Variants in SRD5A1 observed in about 807,000 individuals in gnomAD.
The protein encoded by SRD5A1 is 3-oxo-5-alpha-steroid 4-dehydrogenase 1.
Under a neutral mutation model 28.2 loss-of-function variants are expected in SRD5A1, and 22 were observed. The observed-to-expected ratio is 0.78, with a 90% CI of 0.56 to 1.12. SRD5A1 has a LOEUF of 1.12. Ranked by LOEUF, SRD5A1 falls within the 50% of genes most tolerant of loss-of-function variation. The pLI is 0.00. For synonymous variants in SRD5A1, 151 were observed against 135.0 expected, an observed-to-expected ratio of 1.12 and a Z score of -0.82; for missense variants, 300 against 346.7, an observed-to-expected ratio of 0.87 and a Z score of 1.07.
intron 4 of SRD5A1, among the ~76,000 whole-genome samples, chr5:6,666,078 CT>C (rs1739159440): frequency 6.6e-6 from 1 of 152,008 alleles, no homozygotes; most frequent in South Asian, 2.1e-4. Flanking sequence ...ATAAACCCAA[CT>C]AATTAAGCCA....
At chr5:6,664,490 T>C (rs1439645554) in intron 4 of SRD5A1, among the ~76,000 whole-genome samples, 1 of 152,144 alleles carries the variant, frequency 6.6e-6, no homozygotes, top group East Asian at 1.9e-4. Context: ...CTGCCACCTC[T>C]GCCTCCCAGG....
intron 2 of SRD5A1, 92 bp from the exon 3 acceptor site, chr5:6,655,986 G>A (rs1290408309): frequency 1.1e-6 from 1 of 871,378 alleles, no homozygotes; most frequent in Non-Finnish European, 1.9e-6. Flanking sequence ...GTAATCTGAA[G>A]GGTTGCAATA....
intron 4 of SRD5A1, among the ~76,000 whole-genome samples, chr5:6,666,234 G>A (rs1418729352): frequency 1.3e-5 from 2 of 151,772 alleles, no homozygotes; most frequent in South Asian, 2.1e-4. Flanking sequence ...TGCAAGCTCT[G>A]CCTCCCAGGT....
chr5:6,667,750 G>A (rs376773913), intron 4 of SRD5A1, among the ~76,000 whole-genome samples: 91 of 152,288 alleles, frequency 6.0e-4, no homozygotes, highest in African/African-American at 2.1e-3. Context: ...GAGCCTCCTG[G>A]TATGCAGCTG....
At chr5:6,639,807 T>A (rs1278855596) in intron 1 of SRD5A1, among the ~76,000 whole-genome samples, 1 of 152,240 alleles carries the variant, frequency 6.6e-6, no homozygotes, top group African/African-American at 2.4e-5. Flanking sequence ...GTGAAATACA[T>A]GCTTGTTGTA....
intron 2 of SRD5A1, among the ~76,000 whole-genome samples, chr5:6,653,989 C>G (rs1051758645): frequency 6.6e-6 from 1 of 152,054 alleles, no homozygotes; most frequent in Non-Finnish European, 1.5e-5. Flanking sequence ...AGGAAACAGA[C>G]GTGAAATTAC....
chr5:6,667,030 G>A (rs887382754), intron 4 of SRD5A1, among the ~76,000 whole-genome samples: 4 of 152,230 alleles, frequency 2.6e-5, no homozygotes, highest in African/African-American at 9.6e-5. Context: ...TTCAGCACTT[G>A]CAAGTGCTGG....
chr5:6,647,476 T>G (rs952571445), intron 1 of SRD5A1, among the ~76,000 whole-genome samples: 2 of 152,224 alleles, frequency 1.3e-5, no homozygotes, highest in African/African-American at 4.8e-5. Flanking sequence ...TGGGTGCATA[T>G]ATATCTAGGA....
In SRD5A1 at chr5:6,656,077, G is replaced by A. The variant is rs576938295; in HGVS notation, c.461-1G>A. ...ATCATCTTGCAATTTTTTTCCTTTA[G>A]GTTTTGGCTTGTGGTTAACGGGCAT... is the stretch of plus-strand genomic sequence containing the variant. On this transcript the variant is annotated splice_acceptor_variant, in intron 2 of 4. Coordinates refer to ENST00000274192, the MANE Select transcript of SRD5A1 (RefSeq NM_001047.4). LOFTEE classifies it high-confidence loss of function. 1.2e-6 allele frequency: 2 copies of A among 1,612,502 alleles called. No individual in the cohort carries two copies. Among genetic ancestry groups the A allele is most frequent in the South Asian group, 2.2e-5 (2 of 90,920 alleles).
At chr5:6,635,427 G>A (rs1053265608) in intron 1 of SRD5A1, among the ~76,000 whole-genome samples, 1 of 151,908 alleles carries the variant, frequency 6.6e-6, no homozygotes, top group Non-Finnish European at 1.5e-5. Flanking sequence ...GTTTCTTTAT[G>A]GCTAAAAGCA....
intron 3 of SRD5A1, among the ~76,000 whole-genome samples, chr5:6,659,271 G>A (rs1198730677): frequency 1.3e-5 from 2 of 151,862 alleles, no homozygotes; most frequent in Non-Finnish European, 2.9e-5. Flanking sequence ...CCGCCACCAC[G>A]CCTGGCTAAT....
Position 6,633,503 on chromosome 5 carries a change from T to TGCCC in SRD5A1, c.-73_-70dup. ...CCGCCCCTCCGGTAGCCGCCCCTCC[T>TGCCC]GCCCCCGCGCCGCCGCCCTATATGT... On this transcript the variant is annotated 5_prime_UTR_variant, in exon 1 of 5. Transcript: ENST00000274192. 7.2e-7 allele frequency: 1 copy of TGCCC among 1,381,072 alleles called. No homozygotes were observed. 85.6% of individuals were successfully genotyped at this position (1,381,072 alleles called of 1,614,324 possible). A position where few individuals can be genotyped will look rare whatever the true frequency, so the allele number is the denominator to read the frequency against.
At chr5:6,649,509 G>A (rs1738604297) in intron 1 of SRD5A1, among the ~76,000 whole-genome samples, 1 of 152,214 alleles carries the variant, frequency 6.6e-6, no homozygotes, top group Admixed American at 6.5e-5. Context: ...GGAGCAGCGA[G>A]AATTTCAAGC....
chr5:6,658,063 G>A (rs746753826), intron 3 of SRD5A1, among the ~76,000 whole-genome samples: 22 of 152,142 alleles, frequency 1.4e-4, no homozygotes, highest in Non-Finnish European at 1.9e-4. Flanking sequence ...GGTGGCTGAC[G>A]CCTGTAATCC....
At chr5:6,656,006 A>T in intron 2 of SRD5A1, 72 bp from the exon 3 acceptor site, 2 of 1,094,068 alleles carry the variant, frequency 1.8e-6, no homozygotes, top group Non-Finnish European at 2.8e-6. Flanking sequence ...AATACTGTTC[A>T]GTCAGGCTGG....
intron 2 of SRD5A1, among the ~76,000 whole-genome samples, chr5:6,655,145 G>A (rs1738795712): frequency 6.6e-6 from 1 of 152,158 alleles, no homozygotes; most frequent in African/African-American, 2.4e-5. Context: ...AATGTCACTG[G>A]TGATGACTCA....
Position 6,671,517 on chromosome 5 carries a change from C to T in SRD5A1, c.*3249C>T, listed in dbSNP as rs1374044608. 2.0e-5 allele frequency: 3 copies of T among 152,116 alleles called. No homozygotes were observed. Among genetic ancestry groups the T allele is most frequent in the African/African-American group, 7.2e-5 (3 of 41,418 alleles). 9.4% of individuals were successfully genotyped at this position (152,116 alleles called of 1,614,324 possible). A position where few individuals can be genotyped will look rare whatever the true frequency, so the allele number is the denominator to read the frequency against. ...CAAAAGCTCTTTAGTTTAATTAAGT[C>T]CCATCTATTTATCTTTGTTTTTATT... On this transcript the variant is annotated 3_prime_UTR_variant, in exon 5 of 5. Coordinates refer to ENST00000274192, the MANE Select transcript of SRD5A1 (RefSeq NM_001047.4).
intron 1 of SRD5A1, among the ~76,000 whole-genome samples, chr5:6,649,421 T>C (rs1313288077): frequency 6.6e-6 from 1 of 152,168 alleles, no homozygotes; most frequent in Non-Finnish European, 1.5e-5. Flanking sequence ...GGTAAAACCG[T>C]CTACTTAAGC....
intron 3 of SRD5A1, among the ~76,000 whole-genome samples, chr5:6,661,530 CTTTT>C (rs11402128): frequency 3.4e-5 from 4 of 118,274 alleles, no homozygotes; most frequent in Non-Finnish European, 1.7e-5. Context: ...ATAGGTTTGT[CTTTT>C]TTTTTTTTTT....
Sources: gnomAD v4.1 joint callset for allele counts (sites outside exome capture counted in the v4.1 genomes callset) on GRCh38, gnomAD v4.1.1 for gene constraint, MANE v1.5 for transcripts, NCBI Gene and HGNC (gene_info 2026-07-23, HGNC 2026-07-21) for gene names.